PTPN1: variants seen among roughly 807,000 people sequenced by gnomAD.
PTPN1 encodes tyrosine-protein phosphatase non-receptor type 1.
A neutral mutation model predicts 59.9 loss-of-function variants in PTPN1; 12 were observed. The ratio of observed to expected loss-of-function variants is 0.20; its 90% CI spans 0.13 to 0.32. The LOEUF is 0.32. PTPN1 is among the 10% of genes least tolerant of loss of function. The pLI is 1.00. For missense variants in PTPN1, 356 were observed against 549.2 expected (o/e 0.65, Z 3.52); for synonymous variants, 178 against 203.6 (o/e 0.87, Z 1.07).
chr20:50,556,400 AG>A (rs1241932504), intron 1 of PTPN1, among the ~76,000 whole-genome samples: 3 of 151,950 alleles, frequency 2.0e-5, no homozygotes, highest in Non-Finnish European at 4.4e-5. Flanking sequence ...TTTTTGCCCA[AG>A]GCTGATCTTG....
At chr20:50,516,137 T>C (rs920394745) in intron 1 of PTPN1, among the ~76,000 whole-genome samples, 4 of 152,212 alleles carry the variant, frequency 2.6e-5, no homozygotes, top group Non-Finnish European at 5.9e-5. Flanking sequence ...TAGCGGGCCT[T>C]TGCATGTGGT....
rs529926364 is a variant in PTPN1 at position 50,564,658 on chromosome 20, T to C, written c.155-311T>C. ...TGCCCTCCTCTGCCCTGAAAGGTTT[T>C]TGGGGGAGAGTAATAAGTATCACAA... On this transcript the variant is annotated intron_variant, in intron 2 of 9. Transcript: ENST00000371621. Among the ~76,000 whole-genome samples, 5 of 152,268 alleles carry C rather than the reference T, an allele frequency of 3.3e-5. No homozygotes were observed. In the South Asian group the frequency reaches 6.2e-4, roughly 19 times the overall value.
intron 1 of PTPN1, among the ~76,000 whole-genome samples, chr20:50,558,455 A>G (rs944053226): frequency 6.6e-5 from 10 of 152,228 alleles, no homozygotes; most frequent in Admixed American, 5.2e-4. Flanking sequence ...TCAAAATCCA[A>G]TGTGTATTTT....
Position 50,584,198 on chromosome 20 carries a change from G to A in PTPN1, c.*1483G>A, listed in dbSNP as rs925579795. ...AGCATTTTCACATTTTGCCTTTCTCGTGGTAGAAGCCAGTACAGAGAAATT... is the reference window on the plus strand; with the variant it reads ...AGCATTTTCACATTTTGCCTTTCTCATGGTAGAAGCCAGTACAGAGAAATT... On this transcript the variant is annotated 3_prime_UTR_variant, in exon 10 of 10. Coordinates refer to ENST00000371621, the MANE Select transcript of PTPN1 (RefSeq NM_002827.4). 3 of 152,722 alleles carry A rather than the reference G, an allele frequency of 2.0e-5. No individual in the cohort carries two copies. The highest frequency in any genetic ancestry group is 1.9e-4 in the East Asian group (1 of 5,186). The allele number at this position is 152,722 out of a possible 1,614,324, so 9.5% of individuals were successfully genotyped here.
rs147355381 is a variant in PTPN1 at position 50,568,722 on chromosome 20, T to C, written c.354+244T>C. 8.1e-3 allele frequency among the ~76,000 whole-genome samples: 1,231 copies of C among 152,340 alleles called. 8 individuals carry two copies. Among genetic ancestry groups the C allele is most frequent in the Middle Eastern group, 0.014 (4 of 294 alleles). On this transcript the variant is annotated intron_variant, in intron 4 of 9. Coordinates refer to ENST00000371621, the MANE Select transcript of PTPN1 (RefSeq NM_002827.4). The surrounding 1 kb of genome is among the most constrained non-coding windows in gnomAD (Gnocchi z 5.6). ...CTCTTCGCCCCCGCCTTCTCCTGTG[T>C]GGTGCGTGTGGCGCTCCGCCCACCT...
In PTPN1 at chr20:50,584,153, T is replaced by C. The variant is rs763243557; in HGVS notation, c.*1438T>C. The C allele has an allele frequency of 2.6e-5, 4 of 152,606 alleles. No homozygotes were observed. Among genetic ancestry groups the C allele is most frequent in the South Asian group, 2.1e-4 (1 of 4,832 alleles). 9.5% of individuals were successfully genotyped at this position (152,606 alleles called of 1,614,324 possible). ...ACATGAAAAACACGGCAGCTGTAGC[T>C]CCCGAGCTACTCTCTTGCCAGCATT... On this transcript the variant is annotated 3_prime_UTR_variant, in exon 10 of 10. Transcript: ENST00000371621.
intron 4 of PTPN1, chr20:50,571,421 A>G (rs2082808107): frequency 6.6e-6 from 1 of 152,218 alleles, no homozygotes; most frequent in African/African-American, 2.4e-5. Context: ...AACATTTTCA[A>G]TTCTGTATCA....
rs910140873 is a variant in PTPN1 at position 50,549,873 on chromosome 20, G to A, written c.64-11490G>A. Among the ~76,000 whole-genome samples the A allele has an allele frequency of 9.2e-5, 14 of 151,814 alleles. 1 individual carries two copies. Among genetic ancestry groups the A allele is most frequent in the African/African-American group, 1.5e-4 (6 of 41,332 alleles). On this transcript the variant is annotated intron_variant, in intron 1 of 9. Coordinates refer to ENST00000371621, the MANE Select transcript of PTPN1 (RefSeq NM_002827.4). ...TAAGGTTTTTGTAGTAAATTATATC[G>A]TTTCATTAACTTTCATATATAGCAT...
intron 5 of PTPN1, among the ~76,000 whole-genome samples, chr20:50,577,037 A>T (rs921296242): frequency 6.6e-6 from 1 of 152,138 alleles, no homozygotes; most frequent in African/African-American, 2.4e-5. Context: ...GCCTAGTGTG[A>T]GTCTAGCAAT....
rs2082873035 is a variant in PTPN1 at position 50,582,323 on chromosome 20, T to A, written c.1285-369T>A. On this transcript the variant is annotated intron_variant, in intron 9 of 9. Transcript: ENST00000371621. This position sits in a 1 kb window ranked among gnomAD's most constrained non-coding sequence, Gnocchi z 4.2. ...TTCAGAGAAGTGGGCTCCACCTCATTGGGAGAAGTGCCATTTCAGCAGAAA... is the reference window on the plus strand; with the variant it reads ...TTCAGAGAAGTGGGCTCCACCTCATAGGGAGAAGTGCCATTTCAGCAGAAA... Among the ~76,000 whole-genome samples the A allele has an allele frequency of 6.6e-6, 1 of 152,226 alleles. No individual in the cohort carries two copies. Among genetic ancestry groups the A allele is most frequent in the Non-Finnish European group, 1.5e-5 (1 of 68,040 alleles).
At chr20:50,577,311 A>G (rs141538845) in intron 5 of PTPN1, among the ~76,000 whole-genome samples, 2,375 of 152,274 alleles carry the variant, frequency 0.016, 28 homozygotes, top group East Asian at 0.051. Flanking sequence ...AAGTGAAGGA[A>G]GGCATCATGA....
chr20:50,567,781 T>C (rs1156340103), intron 3 of PTPN1, among the ~76,000 whole-genome samples: 2 of 152,214 alleles, frequency 1.3e-5, no homozygotes, highest in Admixed American at 6.5e-5. Flanking sequence ...AGGGTCCTCA[T>C]TGCTGATGGT....
chr20:50,552,174 C>G (rs1352977307), intron 1 of PTPN1, among the ~76,000 whole-genome samples: 1 of 152,144 alleles, frequency 6.6e-6, no homozygotes, highest in African/African-American at 2.4e-5. Context: ...TCTTCCAAAC[C>G]ATTAATGTTA....
chr20:50,582,909 G>A lies in PTPN1; in HGVS notation c.*194G>A. 1 of 643,050 alleles carries A rather than the reference G, an allele frequency of 1.6e-6. No individual in the cohort carries two copies. Among genetic ancestry groups the A allele is most frequent in the Non-Finnish European group, 2.7e-6 (1 of 370,724 alleles). The allele number at this position is 643,050 out of a possible 1,614,324, so 39.8% of individuals were successfully genotyped here. On this transcript the variant is annotated 3_prime_UTR_variant, in exon 10 of 10. Coordinates refer to ENST00000371621, the MANE Select transcript of PTPN1 (RefSeq NM_002827.4). The surrounding 1 kb of genome is among the most constrained non-coding windows in gnomAD (Gnocchi z 4.2). ...CTCACCCCTCATCCTTTTACTTTTT[G>A]CCCCTTCCACTTTGAGTACCAAATC...
intron 5 of PTPN1, chr20:50,574,952 A>G (rs2122797387): frequency 3.1e-6 from 1 of 322,288 alleles, no homozygotes; most frequent in East Asian, 7.4e-5. Context: ...GAGGGACTGG[A>G]GCGGCAGCCT....
In PTPN1 at chr20:50,533,698, C is replaced by G. The variant is rs768427071; in HGVS notation, c.63+23108C>G. ...CAGAAAGGGACACCCTTGCCCCCCC[C>G]CAGAAAGGAAGATTTGATGTACCAC... On this transcript the variant is annotated intron_variant, in intron 1 of 9. Transcript: ENST00000371621. Among the ~76,000 whole-genome samples the G allele has an allele frequency of 4.3e-4, 66 of 152,192 alleles. 1 individual carries two copies. The highest frequency in any genetic ancestry group is 6.7e-4 in the African/African-American group (28 of 41,500).
chr20:50,549,476 C>T (rs1242352521), intron 1 of PTPN1, among the ~76,000 whole-genome samples: 1 of 152,170 alleles, frequency 6.6e-6, no homozygotes, highest in Non-Finnish European at 1.5e-5. Context: ...GCTCCATTAT[C>T]TATTAACCTT....
chr20:50,579,809 G>A lies in PTPN1; in HGVS notation c.971G>A (p.Cys324Tyr), dbSNP rs766891909. 6.2e-7 allele frequency: 1 copy of A among 1,614,110 alleles called. No individual in the cohort carries two copies. Among genetic ancestry groups the A allele is most frequent in the Non-Finnish European group, 8.5e-7 (1 of 1,179,996 alleles). The change falls in exon 8 of 10, where the codon TGC becomes TAC. Residue 324 changes from cysteine (C) to tyrosine (Y), a missense_variant. Around this residue, in one of 3 missense-constraint regions of PTPN1, gnomAD observed 100 missense variants for 107.7 expected, o/e 0.93. Coordinates refer to ENST00000371621, the MANE Select transcript of PTPN1 (RefSeq NM_002827.4). ...KRILEPHNGK[C>Y]REFFPNHQWV... is the part of the protein sequence containing the mutation. Reference sequence around the variant, plus strand: ...ATCCTGGAGCCACACAATGGGAAATGCAGGGAGTTCTTCCCAAATCACCAG... The same window carrying A: ...ATCCTGGAGCCACACAATGGGAAATACAGGGAGTTCTTCCCAAATCACCAG...
intron 1 of PTPN1, among the ~76,000 whole-genome samples, chr20:50,555,617 A>G (rs1261652953): frequency 1.3e-5 from 2 of 152,222 alleles, no homozygotes; most frequent in African/African-American, 4.8e-5. Flanking sequence ...TACTCTGAGT[A>G]TACCTTAATT....
Sources: allele counts gnomAD v4.1 joint callset (sites outside exome capture counted in the v4.1 genomes callset), GRCh38; gene constraint gnomAD v4.1.1; regional missense constraint gnomAD v4.1.1; non-coding constraint Gnocchi (gnomAD v3.1); transcripts MANE v1.5; gene names NCBI Gene and HGNC (gene_info 2026-07-23, HGNC 2026-07-21).